The following FHIT variants were observed in gnomAD, a reference collection of about 807,000 sequenced individuals.
The protein encoded by FHIT is bis(5'-adenosyl)-triphosphatase.
FHIT carries 19 observed loss-of-function variants against 17.9 expected under a neutral mutation model. The ratio of observed to expected loss-of-function variants is 1.06; its 90% CI spans 0.74 to 1.56. The LOEUF (loss-of-function observed/expected upper bound fraction) is 1.56, where lower values mean the gene tolerates loss of function less well. FHIT is among the 40% of genes most tolerant of loss of function. FHIT has a pLI of 0.00. For synonymous variants in FHIT, 81 were observed against 69.7 expected (o/e 1.16, Z -0.81); for missense variants, 248 against 189.2 (o/e 1.31, Z -1.82).
chr3:61,167,163 G>A (rs963833982), intron 2 of FHIT: 2 of 152,052 alleles, frequency 1.3e-5, no homozygotes, highest in African/African-American at 4.8e-5. Context: ...ACTTTAACAT[G>A]AGAATTCGAT....
Position 60,569,755 on chromosome 3 carries a change from A to ATATATATATATTT in FHIT, c.-17-32777_-17-32776insAAATATATATATA. Among the ~76,000 whole-genome samples the ATATATATATATTT allele has an allele frequency of 9.6e-3, 745 of 77,328 alleles. 20 individuals carry two copies. Among genetic ancestry groups the ATATATATATATTT allele is most frequent in the South Asian group, 0.054 (94 of 1,744 alleles). The allele number at this position is 77,328 out of a possible 152,430, so 50.7% of individuals were successfully genotyped here. A position where few individuals can be genotyped will look rare whatever the true frequency, so the allele number is the denominator to read the frequency against. Reference sequence around the variant, plus strand: ...TATATATATATATATATATATATATATTTTTTTTTTTTTTAGACAGAGTTT... The same window carrying ATATATATATATTT: ...TATATATATATATATATATATATATATATATATATATTTTTTTTTTTTTTTTTAGACAGAGTTT... On this transcript the variant is annotated intron_variant, in intron 4 of 9. Transcript: ENST00000492590.
At chr3:60,128,385 C>T (rs1362586788) in intron 5 of FHIT, among the ~76,000 whole-genome samples, 5 of 152,166 alleles carry the variant, frequency 3.3e-5, no homozygotes, top group East Asian at 1.9e-4. Context: ...CCTGCCATCA[C>T]GTGAAGAAGG....
intron 4 of FHIT, among the ~76,000 whole-genome samples, chr3:60,606,375 G>T (rs537007581): frequency 6.6e-6 from 1 of 151,802 alleles, no homozygotes; most frequent in African/African-American, 2.4e-5. Context: ...CAAGTAGCTG[G>T]GACTACAGAT....
intron 8 of FHIT, among the ~76,000 whole-genome samples, chr3:59,876,768 C>A (rs1181942947): frequency 2.0e-5 from 3 of 152,206 alleles, no homozygotes; most frequent in Admixed American, 6.5e-5. Context: ...TTTCTGTTCC[C>A]CCTTCTTACC....
intron 7 of FHIT, among the ~76,000 whole-genome samples, chr3:59,965,296 A>T (rs1387744917): frequency 2.0e-5 from 3 of 152,116 alleles, no homozygotes; most frequent in African/African-American, 4.8e-5. Context: ...TACAGACTCC[A>T]CTCAGGAGAT....
chr3:60,953,257 T>C (rs1708968909), intron 3 of FHIT, among the ~76,000 whole-genome samples: 1 of 152,180 alleles, frequency 6.6e-6, no homozygotes, highest in Non-Finnish European at 1.5e-5. Context: ...ACTGTCGTAA[T>C]CTGTTTGCAT....
intron 5 of FHIT, among the ~76,000 whole-genome samples, chr3:60,460,581 C>A (rs1304224248): frequency 6.6e-6 from 1 of 152,108 alleles, no homozygotes; most frequent in African/African-American, 2.4e-5. Flanking sequence ...TTATTCAGAT[C>A]CACCTTGGTA....
intron 5 of FHIT, among the ~76,000 whole-genome samples, chr3:60,025,604 C>G (rs1425248686): frequency 6.6e-6 from 1 of 152,074 alleles, no homozygotes; most frequent in African/African-American, 2.4e-5. Flanking sequence ...TCTGATTCAG[C>G]AGTGAACAAT....
At chr3:60,732,402 T>A in intron 4 of FHIT, 1 of 764,594 alleles carries the variant, frequency 1.3e-6, no homozygotes, top group South Asian at 1.3e-5. Context: ...TTTCTACCTG[T>A]AGATGGACTT....
At chr3:60,677,831 T>C (rs530935910) in intron 4 of FHIT, among the ~76,000 whole-genome samples, 1 of 152,210 alleles carries the variant, frequency 6.6e-6, no homozygotes, top group Non-Finnish European at 1.5e-5. Context: ...AAATTATTGA[T>C]TCAATCTTAC....
chr3:60,539,299 G>C (rs895195905), intron 4 of FHIT, among the ~76,000 whole-genome samples: 1 of 152,186 alleles, frequency 6.6e-6, no homozygotes, highest in Non-Finnish European at 1.5e-5. Flanking sequence ...AACAACAGGT[G>C]CTGGAGAGGA....
At chr3:59,929,582 C>G (rs1450937277) in intron 7 of FHIT, among the ~76,000 whole-genome samples, 1 of 151,900 alleles carries the variant, frequency 6.6e-6, no homozygotes, top group Non-Finnish European at 1.5e-5. Flanking sequence ...ACCATGTTGG[C>G]CAGGCTGGTC....
chr3:59,912,124 G>A (rs539714345), intron 8 of FHIT, among the ~76,000 whole-genome samples: 6 of 152,280 alleles, frequency 3.9e-5, no homozygotes, highest in African/African-American at 1.4e-4. Context: ...ATGCCCAAAT[G>A]AGCACTTCAT....
intron 5 of FHIT, among the ~76,000 whole-genome samples, chr3:60,242,865 A>G (rs1342741858): frequency 1.3e-5 from 2 of 152,016 alleles, no homozygotes; most frequent in Non-Finnish European, 2.9e-5. Flanking sequence ...ACATACACAT[A>G]TGTGAACATC....
intron 5 of FHIT, among the ~76,000 whole-genome samples, chr3:60,435,618 G>C (rs141068392): frequency 6.6e-6 from 1 of 151,920 alleles, no homozygotes. Flanking sequence ...GCCAGATTGA[G>C]TTACTTTGTT....
intron 2 of FHIT, among the ~76,000 whole-genome samples, chr3:61,094,789 T>C (rs2035588610): frequency 6.6e-6 from 1 of 152,174 alleles, no homozygotes; most frequent in African/African-American, 2.4e-5. Context: ...AAGTGATGAA[T>C]GGACAGGGAG....
chr3:60,560,991 A>T (rs2036922771), intron 4 of FHIT, among the ~76,000 whole-genome samples: 1 of 152,032 alleles, frequency 6.6e-6, no homozygotes, highest in South Asian at 2.1e-4. Context: ...CCATATACAC[A>T]GCAGTGAGCA....
intron 1 of FHIT, among the ~76,000 whole-genome samples, chr3:61,228,470 T>TA (rs1352197624): frequency 2.6e-5 from 4 of 152,230 alleles, no homozygotes; most frequent in African/African-American, 7.2e-5. Context: ...ATTCCATATA[T>TA]AAGTGTTCAA....
At chr3:60,772,251 A>T (rs535537878) in intron 4 of FHIT, among the ~76,000 whole-genome samples, 355 of 144,710 alleles carry the variant, frequency 2.5e-3, no homozygotes, top group Non-Finnish European at 3.7e-3. Context: ...AAGCATCCAG[A>T]TTATCACTGA....
Sources: gnomAD v4.1 joint callset for allele counts (sites outside exome capture counted in the v4.1 genomes callset) on GRCh38, gnomAD v4.1.1 for gene constraint, MANE v1.5 for transcripts, NCBI Gene and HGNC (gene_info 2026-07-23, HGNC 2026-07-21) for gene names.